The following ZNF714 variants were observed in gnomAD, a reference collection of about 807,000 sequenced individuals.
The protein encoded by ZNF714 is zinc finger protein 714.
Under a neutral mutation model 46.2 loss-of-function variants are expected in ZNF714, and 32 were observed. The ratio of observed to expected loss-of-function variants is 0.69; its 90% CI spans 0.52 to 0.93. ZNF714 has a LOEUF of 0.93. Ranked by LOEUF, ZNF714 falls within the 40% of genes least tolerant of loss-of-function variation. The pLI is 0.00. For missense variants in ZNF714, 635 were observed against 646.3 expected (o/e 0.98, Z 0.19); for synonymous variants, 199 against 213.1 (o/e 0.93, Z 0.58).
At position 21,124,173 on chromosome 19, in the gene ZNF714, A is replaced by T. The variant is rs1969755355; in HGVS notation, c.*5841A>T. 2.6e-5 allele frequency: 4 copies of T among 152,212 alleles called. No individual in the cohort carries two copies. The highest frequency in any genetic ancestry group is 9.6e-5 in the African/African-American group (4 of 41,466). The allele number at this position is 152,212 out of a possible 1,614,324, so 9.4% of individuals were successfully genotyped here. On this transcript the variant is annotated 3_prime_UTR_variant, in exon 5 of 5. Coordinates refer to ENST00000456283, the MANE Select transcript of ZNF714 (RefSeq NM_182515.4). Reference sequence around the variant, plus strand: ...CATGCTGTTAAATATCAGAGTTCCTATGGTTATGACTGACAAATGACAATA... The same window carrying T: ...CATGCTGTTAAATATCAGAGTTCCTTTGGTTATGACTGACAAATGACAATA...
At chr19:21,113,369 T>C (rs921864064) in intron 4 of ZNF714, 18 of 152,028 alleles carry the variant, frequency 1.2e-4, no homozygotes, top group African/African-American at 4.4e-4. Flanking sequence ...TGTTTGTTTG[T>C]TTGTTTGTTT....
At chr19:21,109,995 C>T (rs962392072) in intron 4 of ZNF714, among the ~76,000 whole-genome samples, 2 of 152,160 alleles carry the variant, frequency 1.3e-5, no homozygotes, top group African/African-American at 2.4e-5. Context: ...CAGTCTGTCA[C>T]AGATGGGCAT....
intron 2 of ZNF714, among the ~76,000 whole-genome samples, chr19:21,097,890 T>C (rs1245940271): frequency 6.6e-6 from 1 of 152,116 alleles, no homozygotes; most frequent in Non-Finnish European, 1.5e-5. Context: ...TATACACAAC[T>C]CATTATGATG....
rs1477954258 is a variant in ZNF714 at position 21,118,563 on chromosome 19, A to G, written c.*231A>G. ...TCGAACCTTTTTAAGAAAATAATTT[A>G]TACTGGAGAGAAATTCTACAAATGT... On this transcript the variant is annotated 3_prime_UTR_variant, in exon 5 of 5. Transcript: ENST00000456283. 5 of 289,106 alleles carry G rather than the reference A, an allele frequency of 1.7e-5. No homozygotes were observed. The East Asian group carries it at 4.7e-4, about 27-fold the overall frequency. The allele number at this position is 289,106 out of a possible 1,614,324, so 17.9% of individuals were successfully genotyped here.
chr19:21,121,503 C>T lies in ZNF714; in HGVS notation c.*3171C>T, dbSNP rs1969703020. ...AAATTGTTATATATTTTTCTTTGAA[C>T]ATGTGGCCTGTCTGCCTGCAAACAT... On this transcript the variant is annotated 3_prime_UTR_variant, in exon 5 of 5. Transcript: ENST00000456283. 6.6e-6 allele frequency: 1 copy of T among 151,998 alleles called. No homozygotes were observed. Among genetic ancestry groups the T allele is most frequent in the African/African-American group, 2.4e-5 (1 of 41,384 alleles). 9.4% of individuals were successfully genotyped at this position (151,998 alleles called of 1,614,324 possible). A position where few individuals can be genotyped will look rare whatever the true frequency, so the allele number is the denominator to read the frequency against.
At chr19:21,114,943 C>A (rs922311925) in intron 4 of ZNF714, among the ~76,000 whole-genome samples, 2 of 151,510 alleles carry the variant, frequency 1.3e-5, no homozygotes, top group East Asian at 1.9e-4. Context: ...TTATTTGATT[C>A]TTGTATCTTT....
At chr19:21,086,261 A>C (rs903002541) in intron 2 of ZNF714, among the ~76,000 whole-genome samples, 1 of 152,230 alleles carries the variant, frequency 6.6e-6, no homozygotes, top group African/African-American at 2.4e-5. Context: ...CAAGGTCCCA[A>C]TTCAAGCCCC....
At chr19:21,116,120 A>G (rs1451071417) in intron 4 of ZNF714, among the ~76,000 whole-genome samples, 1 of 152,168 alleles carries the variant, frequency 6.6e-6, no homozygotes, top group Non-Finnish European at 1.5e-5. Flanking sequence ...CTCCTGGCAT[A>G]GTCTGAAAAC....
rs1404330013 is a variant in ZNF714, at chr19:21,119,001, A to C, written c.*669A>C. 3 of 346,726 alleles carry C rather than the reference A, an allele frequency of 8.7e-6. No individual in the cohort carries two copies. Among genetic ancestry groups the C allele is most frequent in the Non-Finnish European group, 1.7e-5 (3 of 178,130 alleles). 21.5% of individuals were successfully genotyped at this position (346,726 alleles called of 1,614,324 possible). ...ATTTGTACTTGAGATAAATTATACA[A>C]ATATAAAGACTGAAAAAGCCATTAA... is the stretch of plus-strand genomic sequence containing the variant. On this transcript the variant is annotated 3_prime_UTR_variant, in exon 5 of 5. Coordinates refer to ENST00000456283, the MANE Select transcript of ZNF714 (RefSeq NM_182515.4).
intron 2 of ZNF714, among the ~76,000 whole-genome samples, chr19:21,095,303 T>C (rs1331665249): frequency 6.6e-6 from 1 of 152,148 alleles, no homozygotes; most frequent in Admixed American, 6.6e-5. Context: ...AACATGTTCC[T>C]TATAATGCTA....
intron 4 of ZNF714, among the ~76,000 whole-genome samples, chr19:21,115,799 T>A (rs1232601387): frequency 2.6e-5 from 4 of 151,910 alleles, no homozygotes; most frequent in Non-Finnish European, 5.9e-5. Context: ...TCTTTCAGAA[T>A]TTTTGAGTTA....
At chr19:21,111,181 G>A (rs1969442489) in intron 4 of ZNF714, among the ~76,000 whole-genome samples, 1 of 152,126 alleles carries the variant, frequency 6.6e-6, no homozygotes, top group Admixed American at 6.5e-5. Flanking sequence ...ACTTTGAGCA[G>A]TATGGCCATT....
intron 1 of ZNF714, among the ~76,000 whole-genome samples, chr19:21,083,652 TA>T (rs1968710098): frequency 6.6e-6 from 1 of 152,164 alleles, no homozygotes; most frequent in Non-Finnish European, 1.5e-5. Context: ...GACAAAGCTT[TA>T]AATGACGCTT....
chr19:21,121,984 A>C lies in ZNF714; in HGVS notation c.*3652A>C, dbSNP rs1969710361. 1 of 152,188 alleles carries C rather than the reference A, an allele frequency of 6.6e-6. No homozygotes were observed. The highest frequency in any genetic ancestry group is 1.5e-5 in the Non-Finnish European group (1 of 68,034). The allele number at this position is 152,188 out of a possible 1,614,324, so 9.4% of individuals were successfully genotyped here. ...GATGTAATTCCAAAAGTAGTGTATT[A>C]AGTTACATTTTATTTAGTGAGAGCA... On this transcript the variant is annotated 3_prime_UTR_variant, in exon 5 of 5. Coordinates refer to ENST00000456283, the MANE Select transcript of ZNF714 (RefSeq NM_182515.4).
intron 2 of ZNF714, among the ~76,000 whole-genome samples, chr19:21,094,836 T>G (rs1315753342): frequency 6.6e-6 from 1 of 152,180 alleles, no homozygotes; most frequent in East Asian, 1.9e-4. Flanking sequence ...ACAACAGCCA[T>G]TCTGAATGGT....
At chr19:21,116,775 G>A (rs1370738278) in intron 4 of ZNF714, 32 bp from the exon 5 acceptor site, 2 of 1,551,704 alleles carry the variant, frequency 1.3e-6, no homozygotes, top group Admixed American at 2.1e-5. Context: ...AGTCTAGTAA[G>A]TTGAATAATT....
intron 2 of ZNF714, among the ~76,000 whole-genome samples, chr19:21,085,351 A>G (rs774941162): frequency 1.3e-5 from 2 of 152,186 alleles, no homozygotes; most frequent in Non-Finnish European, 2.9e-5. Context: ...ACTTGGTACC[A>G]CCTAGAAGTG....
chr19:21,117,293 T>C lies in ZNF714; in HGVS notation c.629T>C (p.Phe210Ser), dbSNP rs1328198761. 6.8e-6 allele frequency: 11 copies of C among 1,613,706 alleles called. No homozygotes were observed. The highest frequency in any genetic ancestry group is 6.8e-6 in the Non-Finnish European group (8 of 1,179,914). Residue 210 changes from phenylalanine (F) to serine (S), a missense_variant, in exon 5 of 5, where the codon TTT (phenylalanine) becomes TCT (serine). Phe to Ser is a radical substitution (Grantham distance 155). Coordinates refer to ENST00000456283, the MANE Select transcript of ZNF714 (RefSeq NM_182515.4). ...PFKCEECGKA[F>S]KHSSTLTTHK... The stretch of plus-strand genomic sequence containing the variant: ...AAATGTGAAGAATGTGGCAAAGCTT[T>C]TAAGCACTCCTCAACCCTTACTACA...
chr19:21,103,433 G>T (rs1236969535), intron 4 of ZNF714, among the ~76,000 whole-genome samples: 1 of 151,972 alleles, frequency 6.6e-6, no homozygotes, highest in Non-Finnish European at 1.5e-5. Flanking sequence ...TACGCCTGTT[G>T]TTCGGGCTAC....
Sources: allele counts gnomAD v4.1 joint callset (sites outside exome capture counted in the v4.1 genomes callset), GRCh38; gene constraint gnomAD v4.1.1; transcripts MANE v1.5; gene names NCBI Gene and HGNC (gene_info 2026-07-23, HGNC 2026-07-21).